Variants in AIG1 observed in about 807,000 individuals in gnomAD.
AIG1 encodes androgen-induced gene 1 protein.
Under a neutral mutation model 31.4 loss-of-function variants are expected in AIG1, and 23 were observed. The ratio of observed to expected loss-of-function variants is 0.73; its 90% CI spans 0.53 to 1.04. The LOEUF is 1.04. AIG1 is among the 50% of genes least tolerant of loss of function. AIG1 has a pLI of 0.00. For synonymous variants in AIG1, 100 were observed against 110.5 expected (o/e 0.90, Z 0.60); for missense variants, 274 against 295.0 (o/e 0.93, Z 0.52).
In AIG1 at chr6:143,339,722, C is replaced by T. The variant is rs757529309; in HGVS notation, c.*46C>T. 3.8e-6 allele frequency: 6 copies of T among 1,598,960 alleles called. No homozygotes were observed. Among genetic ancestry groups the T allele is most frequent in the South Asian group, 1.1e-5 (1 of 89,386 alleles). On this transcript the variant is annotated 3_prime_UTR_variant, in exon 6 of 6. Transcript: ENST00000357847. ...AGCTAGATTGAGCCGCCATTGAAGA[C>T]TCCTTCCCCTCGGGCATTGGCAGTG...
chr6:143,158,701 TA>T (rs1310529841), intron 2 of AIG1, among the ~76,000 whole-genome samples: 1 of 151,692 alleles, frequency 6.6e-6, no homozygotes, highest in Non-Finnish European at 1.5e-5. Flanking sequence ...GCCATAAGAG[TA>T]GCCTGGAAAG....
At chr6:143,204,053 G>A (rs1001444310) in intron 3 of AIG1, among the ~76,000 whole-genome samples, 5 of 152,200 alleles carry the variant, frequency 3.3e-5, no homozygotes, top group Admixed American at 2.6e-4. Context: ...GAGCAGATTT[G>A]TAGATAGAAG....
At chr6:143,118,413 C>T (rs553094236) in intron 1 of AIG1, among the ~76,000 whole-genome samples, 16 of 150,690 alleles carry the variant, frequency 1.1e-4, no homozygotes, top group East Asian at 9.8e-4. Context: ...GAGCTGAGAT[C>T]GTGCCACTGC....
intron 3 of AIG1, among the ~76,000 whole-genome samples, chr6:143,266,645 A>C (rs1796178203): frequency 6.6e-6 from 1 of 152,160 alleles, no homozygotes; most frequent in Non-Finnish European, 1.5e-5. Context: ...GTACTGAAAA[A>C]AAAAATGGTC....
At chr6:143,157,015 T>A (rs1475571643) in intron 2 of AIG1, among the ~76,000 whole-genome samples, 1 of 152,238 alleles carries the variant, frequency 6.6e-6, no homozygotes, top group Non-Finnish European at 1.5e-5. Context: ...CAGTATCCAT[T>A]ACAGTTATTT....
At chr6:143,222,038 G>A (rs1425058914) in intron 3 of AIG1, among the ~76,000 whole-genome samples, 2 of 152,178 alleles carry the variant, frequency 1.3e-5, no homozygotes, top group African/African-American at 2.4e-5. Context: ...GCAGTTCCTC[G>A]ACTCCTGAGA....
chr6:143,306,543 G>T (rs1272679126), intron 4 of AIG1, among the ~76,000 whole-genome samples: 29 of 152,206 alleles, frequency 1.9e-4, no homozygotes, highest in Non-Finnish European at 1.8e-4. Context: ...CTCTCTTCTG[G>T]CTTGTAGAGT....
intron 4 of AIG1, among the ~76,000 whole-genome samples, chr6:143,285,647 A>C (rs1027719997): frequency 1.3e-5 from 2 of 151,896 alleles, no homozygotes; most frequent in African/African-American, 4.8e-5. Flanking sequence ...CTGTCTCAAA[A>C]ATAAACAAAT....
chr6:143,210,561 C>A (rs769356063), intron 3 of AIG1, among the ~76,000 whole-genome samples: 1 of 152,094 alleles, frequency 6.6e-6, no homozygotes, highest in Non-Finnish European at 1.5e-5. Flanking sequence ...AAGTGTAAAC[C>A]CTCTGTGTAC....
intron 1 of AIG1, among the ~76,000 whole-genome samples, chr6:143,109,425 C>T (rs1044477767): frequency 2.0e-5 from 3 of 152,184 alleles, no homozygotes; most frequent in South Asian, 2.1e-4. Flanking sequence ...TGTTCAGCTT[C>T]GTGGAGACTG....
At chr6:143,073,759 G>A (rs1777496849) in intron 1 of AIG1, among the ~76,000 whole-genome samples, 1 of 152,204 alleles carries the variant, frequency 6.6e-6, no homozygotes, top group Non-Finnish European at 1.5e-5. Flanking sequence ...TGAAGTGGAA[G>A]CTTGTATGTT....
At chr6:143,161,541 G>A (rs201434756) in intron 2 of AIG1, among the ~76,000 whole-genome samples, 17 of 92,364 alleles carry the variant, frequency 1.8e-4, no homozygotes, top group African/African-American at 8.9e-4. Flanking sequence ...ATATATATAT[G>A]TGTGTATATA....
At chr6:143,119,595 T>C (rs1782069639) in intron 1 of AIG1, among the ~76,000 whole-genome samples, 1 of 152,222 alleles carries the variant, frequency 6.6e-6, no homozygotes, top group Admixed American at 6.5e-5. Context: ...GATAACACTT[T>C]TGTGTTTGCA....
At chr6:143,260,254 G>A (rs371461446) in intron 3 of AIG1, among the ~76,000 whole-genome samples, 20 of 151,988 alleles carry the variant, frequency 1.3e-4, no homozygotes, top group East Asian at 3.9e-4. Flanking sequence ...CTCGTGATCC[G>A]CCCGCGTCGG....
Position 143,293,718 on chromosome 6 carries a change from T to A in AIG1, c.515+9493T>A, listed in dbSNP as rs1413480167. Among the ~76,000 whole-genome samples, 2 of 152,180 alleles carry A rather than the reference T, an allele frequency of 1.3e-5. No homozygotes were observed. Among genetic ancestry groups the A allele is most frequent in the African/African-American group, 2.4e-5 (1 of 41,436 alleles). ...GTACATGAAGAACTAGAATTCCCCATGTGCTATTAACCTTGCCCCACCCTG... is the reference window on the plus strand; with the variant it reads ...GTACATGAAGAACTAGAATTCCCCAAGTGCTATTAACCTTGCCCCACCCTG... On this transcript the variant is annotated intron_variant, in intron 4 of 5. Transcript: ENST00000357847. This position sits in a 1 kb window ranked among gnomAD's most constrained non-coding sequence, Gnocchi z 4.8.
chr6:143,217,939 A>G (rs949870911), intron 3 of AIG1, among the ~76,000 whole-genome samples: 1 of 152,224 alleles, frequency 6.6e-6, no homozygotes, highest in Non-Finnish European at 1.5e-5. Context: ...TTGATTTACA[A>G]TGCCCCATGC....
chr6:143,084,551 G>A (rs548667898), intron 1 of AIG1, among the ~76,000 whole-genome samples: 3 of 152,290 alleles, frequency 2.0e-5, no homozygotes, highest in African/African-American at 4.8e-5. Flanking sequence ...GCCAAGTTCA[G>A]TAGCATTTCT....
At chr6:143,342,933 G>T (rs2128728953), downstream of AIG1, 1 of 935,202 alleles carries the variant, frequency 1.1e-6, no homozygotes, top group South Asian at 1.3e-5. Flanking sequence ...ATGTTTTGTG[G>T]AGCTTCTCCT....
intron 1 of AIG1, among the ~76,000 whole-genome samples, chr6:143,102,787 A>G (rs1188073895): frequency 6.6e-6 from 1 of 152,092 alleles, no homozygotes; most frequent in African/African-American, 2.4e-5. Flanking sequence ...AGACACATGT[A>G]GACATGTCAA....
Sources: allele counts gnomAD v4.1 joint callset (sites outside exome capture counted in the v4.1 genomes callset), GRCh38; gene constraint gnomAD v4.1.1; non-coding constraint Gnocchi (gnomAD v3.1); transcripts MANE v1.5; gene names NCBI Gene and HGNC (gene_info 2026-07-23, HGNC 2026-07-21).